Variants in ZNF354B observed in about 807,000 individuals in gnomAD.
ZNF354B encodes zinc finger protein 354B.
A neutral mutation model predicts 12.9 loss-of-function variants in ZNF354B; 10 were observed. The ratio of observed to expected loss-of-function variants is 0.77; its 90% confidence interval spans 0.48 to 1.31. The LOEUF is 1.31. ZNF354B is among the 40% of genes most tolerant of loss of function. ZNF354B has a pLI of 0.00. For missense variants in ZNF354B, 614 were observed against 711.7 expected, an observed-to-expected ratio of 0.86 and a Z score of 1.56; for synonymous variants, 260 against 243.7, an observed-to-expected ratio of 1.07 and a Z score of -0.62.
At chr5:178,877,195 G>A (rs963193758) in intron 4 of ZNF354B, among the ~76,000 whole-genome samples, 1 of 151,956 alleles carries the variant, frequency 6.6e-6, no homozygotes, top group Non-Finnish European at 1.5e-5. Flanking sequence ...TTGAGATGGA[G>A]TCTTACTCTG....
At chr5:178,866,415 A>G (rs368753284) in intron 3 of ZNF354B, 45 bp downstream of exon 3, 8 of 1,587,366 alleles carry the variant, frequency 5.0e-6, no homozygotes, top group Non-Finnish European at 6.9e-6. Flanking sequence ...AAATTGGGAT[A>G]TCTCAGCACC....
chr5:178,883,639 C>T lies in ZNF354B; in HGVS notation c.1187C>T (p.Ser396Phe). ...GGGAGAGCCTTCAGCCAGAGTGCCTCTCTTATTCAACATGAAAGAATTCAC... is the reference window on the plus strand; with the variant it reads ...GGGAGAGCCTTCAGCCAGAGTGCCTTTCTTATTCAACATGAAAGAATTCAC... ...ECGRAFSQSA[S>F]LIQHERIHTG... Residue 396 changes from serine (S) to phenylalanine (F), a missense_variant, in exon 5 of 5, where the codon TCT (serine) becomes TTT (phenylalanine). Transcript: ENST00000322434. 1 of 1,613,802 alleles carries T rather than the reference C, an allele frequency of 6.2e-7. No individual in the cohort carries two copies. The highest frequency in any genetic ancestry group is 8.5e-7 in the Non-Finnish European group (1 of 1,179,790).
chr5:178,862,829 T>G (rs1046635531), intron 2 of ZNF354B, among the ~76,000 whole-genome samples: 1 of 152,206 alleles, frequency 6.6e-6, no homozygotes, highest in Non-Finnish European at 1.5e-5. Flanking sequence ...CATCCCTGTG[T>G]GTGGGTGAGT....
chr5:178,880,910 T>C (rs534404278), intron 4 of ZNF354B, among the ~76,000 whole-genome samples: 3 of 147,164 alleles, frequency 2.0e-5, no homozygotes, highest in Middle Eastern at 3.5e-3. Flanking sequence ...TGGTGTGATC[T>C]TGGCTCACTG....
At chr5:178,866,170 G>A (rs1757449056) in intron 2 of ZNF354B, 74 bp from the exon 3 acceptor site, 14 of 1,575,844 alleles carry the variant, frequency 8.9e-6, no homozygotes, top group Middle Eastern at 1.7e-4. Context: ...CACGGGTAGC[G>A]TGTCTTCCCC....
intron 2 of ZNF354B, 110 bp downstream of exon 2, chr5:178,861,190 G>A (rs1382581328): frequency 9.4e-7 from 1 of 1,061,572 alleles, no homozygotes; most frequent in African/African-American, 1.6e-5. Flanking sequence ...TTTTCTCTTG[G>A]AGGAGCTGGT....
chr5:178,865,266 CG>C (rs2114008387), intron 2 of ZNF354B, among the ~76,000 whole-genome samples: 1 of 147,408 alleles, frequency 6.8e-6, no homozygotes, highest in Admixed American at 6.7e-5. Flanking sequence ...TGACTTTAGA[CG>C]AATTTTTTTT....
intron 4 of ZNF354B, among the ~76,000 whole-genome samples, chr5:178,876,548 A>G (rs547725802): frequency 7.9e-5 from 12 of 152,292 alleles, no homozygotes; most frequent in Admixed American, 7.2e-4. Flanking sequence ...GGCATCCTAC[A>G]TGGCCCTTAA....
At chr5:178,871,570 C>G (rs1167859257) in intron 4 of ZNF354B, among the ~76,000 whole-genome samples, 1 of 152,202 alleles carries the variant, frequency 6.6e-6, no homozygotes, top group East Asian at 1.9e-4. Flanking sequence ...GGGGTTGCCT[C>G]ATTCATTCAC....
chr5:178,883,364 TA>T lies in ZNF354B; in HGVS notation c.915del (p.Lys305AsnfsTer126). On this transcript the variant is annotated frameshift_variant, in exon 5 of 5. Coordinates refer to ENST00000322434, the MANE Select transcript of ZNF354B (RefSeq NM_058230.3). LOFTEE classifies it low-confidence loss of function (END_TRUNC). Reference sequence around the variant, plus strand: ...AATGCTATAGATGTAAAGAATGTGGTAAATCCTTCAGTCGAAGGTCTGGGCT... The same window carrying T: ...AATGCTATAGATGTAAAGAATGTGGTAATCCTTCAGTCGAAGGTCTGGGCT... ...EKCYRCKECG[K>X]SFSRRSGLFI... is the part of the protein sequence containing the mutation. 1 of 1,614,038 alleles carries T rather than the reference TA, an allele frequency of 6.2e-7. No homozygotes were observed. Among genetic ancestry groups the T allele is most frequent in the Non-Finnish European group, 8.5e-7 (1 of 1,179,974 alleles).
chr5:178,884,542 A>G lies in ZNF354B; in HGVS notation c.*251A>G. On this transcript the variant is annotated 3_prime_UTR_variant, in exon 5 of 5. Transcript: ENST00000322434. The stretch of plus-strand genomic sequence containing the variant: ...AGGTATGTTTATAAAATCTCTTTAT[A>G]TAATATATGCTATCTATGACATGCA... 2.8e-6 allele frequency: 1 copy of G among 355,554 alleles called. No individual in the cohort carries two copies. Among genetic ancestry groups the G allele is most frequent in the Non-Finnish European group, 5.0e-6 (1 of 200,530 alleles). 22.0% of individuals were successfully genotyped at this position (355,554 alleles called of 1,614,324 possible). A position where few individuals can be genotyped will look rare whatever the true frequency, so the allele number is the denominator to read the frequency against.
At chr5:178,862,585 G>A (rs1167973954) in intron 2 of ZNF354B, among the ~76,000 whole-genome samples, 1 of 152,062 alleles carries the variant, frequency 6.6e-6, no homozygotes, top group East Asian at 1.9e-4. Flanking sequence ...GGCCAGGATG[G>A]CCTCAATCTC....
intron 3 of ZNF354B, among the ~76,000 whole-genome samples, chr5:178,866,668 G>C (rs1757462905): frequency 6.6e-6 from 1 of 151,502 alleles, no homozygotes; most frequent in African/African-American, 2.4e-5. Context: ...TGGTTTGTTT[G>C]CTCACCTCTC....
chr5:178,878,149 C>T (rs572261315), intron 4 of ZNF354B, among the ~76,000 whole-genome samples: 463 of 151,966 alleles, frequency 3.0e-3, no homozygotes, highest in Non-Finnish European at 4.6e-3. Context: ...TTTGGGAGGC[C>T]GAGGCGGGCG....
intron 4 of ZNF354B, among the ~76,000 whole-genome samples, chr5:178,874,466 T>C (rs1757607829): frequency 6.6e-6 from 1 of 152,248 alleles, no homozygotes; most frequent in South Asian, 2.1e-4. Flanking sequence ...TTTTTATCTG[T>C]CTATCTGGCT....
At chr5:178,869,421 C>T (rs963959195) in intron 4 of ZNF354B, among the ~76,000 whole-genome samples, 1 of 151,972 alleles carries the variant, frequency 6.6e-6, no homozygotes, top group Admixed American at 6.6e-5. Context: ...TAATGAACTG[C>T]CAGAGACCAC....
At chr5:178,875,356 G>T (rs951546746) in intron 4 of ZNF354B, among the ~76,000 whole-genome samples, 1 of 152,298 alleles carries the variant, frequency 6.6e-6, no homozygotes, top group South Asian at 2.1e-4. Context: ...AATCAGTGCA[G>T]TCGGCCCAGG....
intron 2 of ZNF354B, among the ~76,000 whole-genome samples, chr5:178,863,938 A>G (rs1418050381): frequency 6.6e-6 from 1 of 152,258 alleles, no homozygotes; most frequent in African/African-American, 2.4e-5. Context: ...GAAAGAAAAT[A>G]TTTTTGTACA....
At chr5:178,880,121 G>A (rs554845046) in intron 4 of ZNF354B, among the ~76,000 whole-genome samples, 7 of 152,224 alleles carry the variant, frequency 4.6e-5, no homozygotes, top group East Asian at 1.9e-4. Flanking sequence ...GCGAGACTCC[G>A]TCTCAAAATA....
Sources: allele counts gnomAD v4.1 joint callset (sites outside exome capture counted in the v4.1 genomes callset), GRCh38; gene constraint gnomAD v4.1.1; transcripts MANE v1.5; gene names NCBI Gene and HGNC (gene_info 2026-07-23, HGNC 2026-07-21).